Variants in PRR12 observed in about 807,000 individuals in gnomAD.
PRR12 encodes the protein proline-rich protein 12.
Under a neutral mutation model 138.0 loss-of-function variants are expected in PRR12, and 12 were observed. That is an observed-to-expected ratio of 0.09 (90% CI 0.06 to 0.14). The LOEUF (loss-of-function observed/expected upper bound fraction) is 0.14, where lower values mean the gene tolerates loss of function less well. PRR12 is among the 10% of genes least tolerant of loss of function. PRR12 has a pLI of 1.00. For missense variants in PRR12, 2,692 were observed against 2,861.3 expected, an observed-to-expected ratio of 0.94 and a Z score of 1.35; for synonymous variants, 1,567 against 1,291.7, an observed-to-expected ratio of 1.21 and a Z score of -4.57.
Position 49,625,365 on chromosome 19 carries a change from C to A in PRR12, c.5965-96C>A. ...GCCCCCAGCCCTGGTCTCCCTGGGACACTGACATCTGACACCCCAGGCCCC... is the reference window on the plus strand; with the variant it reads ...GCCCCCAGCCCTGGTCTCCCTGGGAAACTGACATCTGACACCCCAGGCCCC... On this transcript the variant is annotated intron_variant, in intron 13 of 13. Transcript: ENST00000418929. The surrounding 1 kb of genome is among the most constrained non-coding windows in gnomAD (Gnocchi z 5.5). 6.9e-7 allele frequency: 1 copy of A among 1,447,938 alleles called. No individual in the cohort carries two copies. Among genetic ancestry groups the A allele is most frequent in the Non-Finnish European group, 9.3e-7 (1 of 1,072,134 alleles). The allele number at this position is 1,447,938 out of a possible 1,614,324, so 89.7% of individuals were successfully genotyped here.
At position 49,597,301 on chromosome 19, in the gene PRR12, C is replaced by T; in HGVS notation, c.2966C>T (p.Pro989Leu). 2 of 1,558,858 alleles carry T rather than the reference C, an allele frequency of 1.3e-6. No individual in the cohort carries two copies. Among genetic ancestry groups the T allele is most frequent in the Middle Eastern group, 1.7e-4 (1 of 6,006 alleles). Reference protein sequence around the residue: ...GPPPGPPAYDPYGPYCPGRAS... With the variant: ...GPPPGPPAYDLYGPYCPGRAS... The stretch of plus-strand genomic sequence containing the variant: ...CCCCCCGGCCCCCCTGCTTATGATC[C>T]CTATGGGCCCTACTGTCCTGGCCGG... The change falls in exon 4 of 14, where the codon CCC becomes CTC. Residue 989 changes from proline to leucine, a missense_variant. Transcript: ENST00000418929. The surrounding 1 kb of genome is among the most constrained non-coding windows in gnomAD (Gnocchi z 6.3).
intron 1 of PRR12, among the ~76,000 whole-genome samples, chr19:49,592,721 A>C (rs1252500852): frequency 1.3e-5 from 2 of 151,860 alleles, no homozygotes; most frequent in Non-Finnish European, 2.9e-5. Flanking sequence ...ATGCATTTGA[A>C]CCTCAACCCC....
Position 49,599,360 on chromosome 19 carries a change from C to G in PRR12, c.3767C>G (p.Ser1256Trp). The change falls in exon 5 of 14, where the codon TCG becomes TGG. Residue 1256 changes from serine to tryptophan, a missense_variant. This residue lies in a region of PRR12 where 326 missense variants were observed against 344.2 expected (regional missense o/e 0.95). Coordinates refer to ENST00000418929, the MANE Select transcript of PRR12 (RefSeq NM_020719.3). This position sits in a 1 kb window ranked among gnomAD's most constrained non-coding sequence, Gnocchi z 5.0. Reference sequence around the variant, plus strand: ...GGCACTGACCACAACAGCCTGGACTCGAGCCTGACTCGGGAGAAGATCGAG... The same window carrying G: ...GGCACTGACCACAACAGCCTGGACTGGAGCCTGACTCGGGAGAAGATCGAG... Reference protein sequence around the residue: ...ISGTDHNSLDSSLTREKIEAK... With the variant: ...ISGTDHNSLDWSLTREKIEAK... The G allele has an allele frequency of 6.2e-7, 1 of 1,613,128 alleles. No individual in the cohort carries two copies. Among genetic ancestry groups the G allele is most frequent in the Non-Finnish European group, 8.5e-7 (1 of 1,179,724 alleles).
Position 49,594,041 on chromosome 19 carries a change from T to A in PRR12, c.200-413T>A, listed in dbSNP as rs952542061. 6.6e-6 allele frequency among the ~76,000 whole-genome samples: 1 copy of A among 152,188 alleles called. No individual in the cohort carries two copies. Among genetic ancestry groups the A allele is most frequent in the African/African-American group, 2.4e-5 (1 of 41,450 alleles). On this transcript the variant is annotated intron_variant, in intron 2 of 13. Coordinates refer to ENST00000418929, the MANE Select transcript of PRR12 (RefSeq NM_020719.3). This position sits in a 1 kb window ranked among gnomAD's most constrained non-coding sequence, Gnocchi z 5.6. ...AACCCTCCCACTTAGCTCAATCCTT[T>A]CTGACACGTTCTCTGGTCTTTCTTA...
chr19:49,606,554 C>T (rs1276835340), intron 6 of PRR12, among the ~76,000 whole-genome samples: 1 of 151,466 alleles, frequency 6.6e-6, no homozygotes, highest in Non-Finnish European at 1.5e-5. Flanking sequence ...TGCGCCGCCT[C>T]CCCCGCCCCC....
chr19:49,622,456 G>C (rs2080928037), intron 11 of PRR12, among the ~76,000 whole-genome samples: 1 of 151,986 alleles, frequency 6.6e-6, no homozygotes, highest in Non-Finnish European at 1.5e-5. Context: ...GCTGGGCGTG[G>C]TGGTGGGCAC....
chr19:49,617,953 C>G (rs893596683), intron 9 of PRR12, among the ~76,000 whole-genome samples: 1 of 152,036 alleles, frequency 6.6e-6, no homozygotes, highest in Non-Finnish European at 1.5e-5. Context: ...AAAAAATTAG[C>G]CGGGTGTGGT....
In PRR12 at chr19:49,595,536, G is replaced by A. The variant is rs1242202872; in HGVS notation, c.1201G>A (p.Gly401Arg). ...TGKGGYGAAA[G>R]GATRPPPPRS... ...CAAAGGTGGTTATGGAGCAGCTGCC[G>A]GGGGTGCCACCAGGCCCCCCCCACC... Residue 401 changes from glycine (G) to arginine (R), a missense_variant, in exon 4 of 14, where the codon GGG (glycine) becomes AGG (arginine). Gly to Arg is a moderately radical substitution (Grantham distance 125). Around this residue, in one of 11 missense-constraint regions of PRR12, gnomAD observed 523 missense variants for 496.4 expected, o/e 1.05. Coordinates refer to ENST00000418929, the MANE Select transcript of PRR12 (RefSeq NM_020719.3). 7 of 1,579,942 alleles carry A rather than the reference G, an allele frequency of 4.4e-6. No homozygotes were observed. Among genetic ancestry groups the A allele is most frequent in the African/African-American group, 1.4e-5 (1 of 74,042 alleles).
At chr19:49,607,090 TGCA>T (rs982962790) in intron 6 of PRR12, among the ~76,000 whole-genome samples, 2 of 151,204 alleles carry the variant, frequency 1.3e-5, no homozygotes, top group African/African-American at 2.4e-5. Flanking sequence ...GCCCAGGAGT[TGCA>T]GACCAGGCTG....
intron 6 of PRR12, among the ~76,000 whole-genome samples, chr19:49,612,003 C>T (rs1276765830): frequency 3.4e-5 from 5 of 148,700 alleles, no homozygotes; most frequent in East Asian, 4.0e-4. Flanking sequence ...GAGGCCCAGG[C>T]GGGCGGATCA....
In PRR12 at chr19:49,601,412, A is replaced by C; in HGVS notation, c.4346-79A>C. The C allele has an allele frequency of 3.8e-6, 3 of 789,646 alleles. No homozygotes were observed. The South Asian group carries it at 5.3e-5, about 14-fold the overall frequency. The allele number at this position is 789,646 out of a possible 1,614,324, so 48.9% of individuals were successfully genotyped here. A position where few individuals can be genotyped will look rare whatever the true frequency, so the allele number is the denominator to read the frequency against. On this transcript the variant is annotated intron_variant, in intron 5 of 13. Transcript: ENST00000418929. ...GTTACAGAGGGGCTTTTGGTATAGA[A>C]AGCAGTGTTTAAAGGACAAGAGGAA...
Position 49,599,220 on chromosome 19 carries a change from G to A in PRR12, c.3679-52G>A. The stretch of plus-strand genomic sequence containing the variant: ...ATTTTTGGGGGCTGAGGGAGGATGG[G>A]ACTGGGGGCCCAGGCTACTGGGCCC... On this transcript the variant is annotated intron_variant, in intron 4 of 13. Coordinates refer to ENST00000418929, the MANE Select transcript of PRR12 (RefSeq NM_020719.3). The surrounding 1 kb of genome is among the most constrained non-coding windows in gnomAD (Gnocchi z 5.0). The A allele has an allele frequency of 6.7e-7, 1 of 1,488,448 alleles. No homozygotes were observed. Among genetic ancestry groups the A allele is most frequent in the South Asian group, 1.4e-5 (1 of 73,396 alleles). The allele number at this position is 1,488,448 out of a possible 1,614,324, so 92.2% of individuals were successfully genotyped here.
chr19:49,618,055 G>A (rs1160770332), intron 9 of PRR12, among the ~76,000 whole-genome samples: 3 of 152,112 alleles, frequency 2.0e-5, no homozygotes, highest in East Asian at 1.9e-4. Context: ...CTGAGATTGC[G>A]CCATTGCATT....
rs2080723637 is a variant in PRR12, at chr19:49,591,362, C to G, written c.-293C>G. On this transcript the variant is annotated 5_prime_UTR_variant, in exon 1 of 14. Coordinates refer to ENST00000418929, the MANE Select transcript of PRR12 (RefSeq NM_020719.3). ...TCTCTCGCAAGCGCCGGGGCAAAGGCGGAGACAGCGGGGTCCCTCCTCCCC... is the reference window on the plus strand; with the variant it reads ...TCTCTCGCAAGCGCCGGGGCAAAGGGGGAGACAGCGGGGTCCCTCCTCCCC... 6.8e-6 allele frequency among the ~76,000 whole-genome samples: 1 copy of G among 148,110 alleles called. No homozygotes were observed. The highest frequency in any genetic ancestry group is 1.5e-5 in the Non-Finnish European group (1 of 66,420).
rs910592239 is a variant in PRR12 at position 49,614,161 on chromosome 19, A to G, written c.4774-372A>G. Among the ~76,000 whole-genome samples the G allele has an allele frequency of 6.6e-6, 1 of 152,196 alleles. No homozygotes were observed. The highest frequency in any genetic ancestry group is 1.5e-5 in the Non-Finnish European group (1 of 68,036). On this transcript the variant is annotated intron_variant, in intron 6 of 13. Coordinates refer to ENST00000418929, the MANE Select transcript of PRR12 (RefSeq NM_020719.3). This position sits in a 1 kb window ranked among gnomAD's most constrained non-coding sequence, Gnocchi z 5.0. ...TATGTGGGGGGACAGTCAGACCACA[A>G]CAGGACGTCTTGCTCACAACCGTAC... is the stretch of plus-strand genomic sequence containing the variant.
chr19:49,595,184 A>C lies in PRR12; in HGVS notation c.849A>C (p.Pro283=). 2 of 1,606,540 alleles carry C rather than the reference A, an allele frequency of 1.2e-6. No individual in the cohort carries two copies. The highest frequency in any genetic ancestry group is 2.2e-5 in the South Asian group (2 of 90,320). Residue 283 remains proline, a synonymous_variant, in exon 4 of 14, where the codon CCA becomes CCC. Transcript: ENST00000418929. ...PGPPPPERAL[P]RQDTVIKHYQ... ...CACCGCCGCCTGAGCGGGCCCTGCCACGCCAGGACACGGTCATCAAGCACT... is the reference window on the plus strand; with the variant it reads ...CACCGCCGCCTGAGCGGGCCCTGCCCCGCCAGGACACGGTCATCAAGCACT...
intron 6 of PRR12, among the ~76,000 whole-genome samples, chr19:49,605,004 C>T (rs1339850624): frequency 1.3e-5 from 2 of 151,892 alleles, no homozygotes; most frequent in African/African-American, 4.8e-5. Context: ...GAGGATCCCA[C>T]CATGGTTGGC....
chr19:49,617,345 G>C (rs995156599), intron 9 of PRR12, among the ~76,000 whole-genome samples: 4 of 151,912 alleles, frequency 2.6e-5, no homozygotes, highest in African/African-American at 9.7e-5. Flanking sequence ...TTAAAGATGG[G>C]GGCTGGGTGT....
At chr19:49,619,096 C>T (rs1307712077) in intron 9 of PRR12, among the ~76,000 whole-genome samples, 2 of 152,064 alleles carry the variant, frequency 1.3e-5, no homozygotes, top group African/African-American at 4.8e-5. Context: ...CCTGGATACC[C>T]TCTTTTGGAA....
Sources: allele counts gnomAD v4.1 joint callset (sites outside exome capture counted in the v4.1 genomes callset), GRCh38; gene constraint gnomAD v4.1.1; regional missense constraint gnomAD v4.1.1; non-coding constraint Gnocchi (gnomAD v3.1); transcripts MANE v1.5; gene names NCBI Gene and HGNC (gene_info 2026-07-23, HGNC 2026-07-21).